Variants in SETX observed in about 807,000 individuals in gnomAD.
The protein encoded by SETX is senataxin, also known as helicase senataxin.
A neutral mutation model predicts 227.2 loss-of-function variants in SETX; 90 were observed. That is an observed-to-expected ratio of 0.40 (90% CI 0.33 to 0.47). The LOEUF (loss-of-function observed/expected upper bound fraction) is 0.47, where lower values mean the gene tolerates loss of function less well. Among genes scored for constraint, SETX ranks in the 20% least tolerant of loss-of-function variants. The probability of loss-of-function intolerance (pLI) is 0.91; values close to 1 mark genes in which losing one functional copy is unlikely to be tolerated. For missense variants in SETX, 3,052 were observed against 3,181.5 expected (o/e 0.96, Z 0.98); for synonymous variants, 1,210 against 1,113.2 (o/e 1.09, Z -1.73).
intron 25 of SETX, among the ~76,000 whole-genome samples, chr9:132,265,362 A>G (rs1842593484): frequency 1.3e-5 from 2 of 151,028 alleles, no homozygotes; most frequent in African/African-American, 4.9e-5. Flanking sequence ...AGTAGCTGGG[A>G]CTACAGGCAC....
chr9:132,311,115 C>T (rs1159130657), intron 11 of SETX, among the ~76,000 whole-genome samples: 7 of 152,074 alleles, frequency 4.6e-5, no homozygotes, highest in East Asian at 1.9e-4. Flanking sequence ...TACAGGCACC[C>T]GCCACCATGC....
intron 10 of SETX, among the ~76,000 whole-genome samples, chr9:132,326,055 T>C (rs1240008030): frequency 6.6e-6 from 1 of 152,010 alleles, no homozygotes; most frequent in Non-Finnish European, 1.5e-5. Context: ...TCAATTTTAA[T>C]TTAACTATAC....
intron 4 of SETX, among the ~76,000 whole-genome samples, chr9:132,344,502 T>G (rs1036650697): frequency 2.6e-5 from 4 of 152,214 alleles, no homozygotes; most frequent in African/African-American, 7.2e-5. Flanking sequence ...GGTCCCTGAC[T>G]AGATTCTAAT....
intron 23 of SETX, chr9:132,274,817 T>A (rs1843075581): frequency 5.9e-6 from 1 of 169,770 alleles, no homozygotes; most frequent in Non-Finnish European, 1.3e-5. Flanking sequence ...TAAGATGATT[T>A]TAAGGTTATG....
intron 12 of SETX, among the ~76,000 whole-genome samples, chr9:132,298,990 T>C (rs756797077): frequency 1.3e-5 from 2 of 151,974 alleles, no homozygotes; most frequent in Non-Finnish European, 2.9e-5. Context: ...ATGAGAAAAG[T>C]ACAGAAACAA....
chr9:132,284,668 T>C (rs3780822), intron 18 of SETX, among the ~76,000 whole-genome samples: 12,263 of 152,158 alleles, frequency 0.081, 791 homozygotes, highest in East Asian at 0.26. Context: ...CCAACACAAG[T>C]ACAGGGAGTT....
At chr9:132,352,946 A>C (rs1296954740) in intron 2 of SETX, among the ~76,000 whole-genome samples, 1 of 152,062 alleles carries the variant, frequency 6.6e-6, no homozygotes, top group East Asian at 1.9e-4. Flanking sequence ...CCTACCCCTT[A>C]ATTACATCTC....
chr9:132,331,182 G>A, intron 8 of SETX, 43 bp from the exon 9 acceptor site: 1 of 1,605,106 alleles, frequency 6.2e-7, no homozygotes, highest in Admixed American at 1.7e-5. Context: ...AACGAAGGGG[G>A]AAAAAAAGGA....
Position 132,327,294 on chromosome 9 carries a change from T to A in SETX, c.4304A>T (p.Asp1435Val), listed in dbSNP as rs755987797. 2 of 1,614,088 alleles carry A rather than the reference T, an allele frequency of 1.2e-6. No homozygotes were observed. The highest frequency in any genetic ancestry group is 1.1e-5 in the South Asian group (1 of 91,092). Reference sequence around the variant, plus strand: ...ATCACACTGGTTCAAAGGGCAAGCATCATCAGTTGCTGGAGACCCATGTTT... The same window carrying A: ...ATCACACTGGTTCAAAGGGCAAGCAACATCAGTTGCTGGAGACCCATGTTT... ...KAKHGSPATD[D>V]ACPLNQCDSV... The change falls in exon 10 of 26, where the codon GAT (aspartate) becomes GTT (valine). Residue 1435 changes from aspartate (D) to valine (V), a missense_variant. Asp to Val is a radical substitution (Grantham distance 152). Transcript: ENST00000224140.
In SETX at chr9:132,327,656, G is replaced by A. The variant is rs1481278556; in HGVS notation, c.3942C>T (p.Gly1314=). 13 of 1,613,756 alleles carry A rather than the reference G, an allele frequency of 8.1e-6. No homozygotes were observed. Among genetic ancestry groups the A allele is most frequent in the Admixed American group, 1.7e-5 (1 of 59,920 alleles). Residue 1314 remains glycine, a synonymous_variant, in exon 10 of 26, where the codon GGC becomes GGT. Coordinates refer to ENST00000224140, the MANE Select transcript of SETX (RefSeq NM_015046.7). ...LDYVAQLRDH[G]KTVGVVDTRK... Reference sequence around the variant, plus strand: ...GGGTATCAACTACTCCAACAGTTTTGCCATGATCACGTAATTGAGCTACAT... The same window carrying A: ...GGGTATCAACTACTCCAACAGTTTTACCATGATCACGTAATTGAGCTACAT...
At chr9:132,342,221 C>CT (rs1564563417) in intron 5 of SETX, among the ~76,000 whole-genome samples, 1 of 152,190 alleles carries the variant, frequency 6.6e-6, no homozygotes, top group Non-Finnish European at 1.5e-5. Flanking sequence ...GGTTTCAATG[C>CT]TATCTGCTTC....
At chr9:132,335,222 C>T (rs867779586) in intron 6 of SETX, among the ~76,000 whole-genome samples, 9 of 151,528 alleles carry the variant, frequency 5.9e-5, no homozygotes, top group South Asian at 2.1e-4. Context: ...AACCCCGTCT[C>T]TACTAAAAAT....
At chr9:132,330,547 G>A (rs766512333) in intron 9 of SETX, 48 bp from the exon 10 acceptor site, 41 of 1,537,840 alleles carry the variant, frequency 2.7e-5, no homozygotes, top group Non-Finnish European at 3.6e-5. Flanking sequence ...CACCACTTAT[G>A]ACAGGTTCAA....
chr9:132,271,861 T>C, intron 23 of SETX, 53 bp from the exon 24 acceptor site: 3 of 1,472,882 alleles, frequency 2.0e-6, no homozygotes, highest in Non-Finnish European at 2.8e-6. Flanking sequence ...AATTATTAAG[T>C]ATACATATTT....
chr9:132,298,039 T>A lies in SETX; in HGVS notation c.5781+41A>T, dbSNP rs1446437208. The A allele has an allele frequency of 2.0e-6, 3 of 1,517,420 alleles. 1 individual carries two copies. In the South Asian group the frequency reaches 3.4e-5, roughly 17 times the overall value. The allele number at this position is 1,517,420 out of a possible 1,614,324, so 94.0% of individuals were successfully genotyped here. On this transcript the variant is annotated intron_variant, in intron 13 of 25. Coordinates refer to ENST00000224140, the MANE Select transcript of SETX (RefSeq NM_015046.7). ...AGCTAAAAAATATGATGCTTTAACA[T>A]CTTAACATGAAATTATCTAGTATCA...
intron 10 of SETX, among the ~76,000 whole-genome samples, chr9:132,317,524 A>C (rs1846051097): frequency 6.6e-6 from 1 of 152,180 alleles, no homozygotes; most frequent in Admixed American, 6.5e-5. Flanking sequence ...TTTCACTGAT[A>C]TCTAGTGTCT....
At chr9:132,325,080 G>A (rs1416993526) in intron 10 of SETX, among the ~76,000 whole-genome samples, 1 of 152,218 alleles carries the variant, frequency 6.6e-6, no homozygotes, top group Admixed American at 6.5e-5. Flanking sequence ...CTGGCGGCCA[G>A]ACGCAGTGGC....
chr9:132,271,735 C>T lies in SETX; in HGVS notation c.7174G>A (p.Ala2392Thr). Residue 2392 changes from alanine to threonine, a missense_variant, in exon 24 of 26, where the codon GCA becomes ACA. By Grantham distance (58) the Ala-to-Thr change is moderately conservative. Around this residue, in one of 10 missense-constraint regions of SETX, gnomAD observed 412 missense variants for 589.0 expected, o/e 0.70. Transcript: ENST00000224140. ...CCAATTGAACCTTGGATGCTATTTG[C>T]TCTGACACACGTAACAATAACACAA... ...KDCVIVTCVR[A>T]NSIQGSIGFL... The T allele has an allele frequency of 6.2e-7, 1 of 1,614,084 alleles. No individual in the cohort carries two copies. The highest frequency in any genetic ancestry group is 1.1e-5 in the South Asian group (1 of 91,086).
At position 132,328,316 on chromosome 9, in the gene SETX, T is replaced by C. The variant is rs768942336; in HGVS notation, c.3282A>G (p.Gln1094=). ...CTGAATTATTATCGTCTGGATGATC[T>C]TGCCAAACTGAAAACACTTCAGATG... is the stretch of plus-strand genomic sequence containing the variant. ...ESSSEVFSVW[Q]DHPDDNNSVQ... is the part of the protein sequence containing the mutation. Residue 1094 remains glutamine, a synonymous_variant, in exon 10 of 26, where the codon CAA becomes CAG. Transcript: ENST00000224140. 5 of 1,613,896 alleles carry C rather than the reference T, an allele frequency of 3.1e-6. No homozygotes were observed. The highest frequency in any genetic ancestry group is 1.3e-5 in the African/African-American group (1 of 74,928).
Sources: allele counts gnomAD v4.1 joint callset (sites outside exome capture counted in the v4.1 genomes callset), GRCh38; gene constraint gnomAD v4.1.1; regional missense constraint gnomAD v4.1.1; transcripts MANE v1.5; gene names NCBI Gene and HGNC (gene_info 2026-07-23, HGNC 2026-07-21).